Variants in SSUH2 observed in about 807,000 individuals in gnomAD.
SSUH2 encodes protein SSUH2 homolog.
SSUH2 carries 47 observed loss-of-function variants against 55.3 expected under a neutral mutation model. The observed-to-expected ratio is 0.85, with a 90% confidence interval of 0.67 to 1.08. SSUH2 has a LOEUF of 1.08. SSUH2 is among the 50% of genes least tolerant of loss of function. The pLI is 0.00. For missense variants in SSUH2, 535 were observed against 490.7 expected (o/e 1.09, Z -0.85); for synonymous variants, 212 against 191.5 (o/e 1.11, Z -0.89).
Position 8,619,862 on chromosome 3 carries a change from G to C in SSUH2, c.*6C>G. On this transcript the variant is annotated 3_prime_UTR_variant, in exon 12 of 12. Coordinates refer to ENST00000544814, the MANE Select transcript of SSUH2 (RefSeq NM_001256748.3). ...AATGGCAGGCTCTGGGGACAGCCAT[G>C]CTATGTCACACGATGGTACAGCCAC... is the stretch of plus-strand genomic sequence containing the variant. 1.9e-6 allele frequency: 3 copies of C among 1,613,144 alleles called. No homozygotes were observed. The highest frequency in any genetic ancestry group is 2.5e-6 in the Non-Finnish European group (3 of 1,179,632).
At chr3:8,634,057 T>C (rs1559369637) in intron 3 of SSUH2, 5 of 1,080,300 alleles carry the variant, frequency 4.6e-6, no homozygotes, top group Non-Finnish European at 6.6e-6. Flanking sequence ...GCTGATAGAA[T>C]CCTGCAACTG....
chr3:8,662,053 C>T (rs1703547059), intron 6 of SSUH2, among the ~76,000 whole-genome samples: 1 of 152,180 alleles, frequency 6.6e-6, no homozygotes, highest in Admixed American at 6.5e-5. Context: ...ACTGTGGATC[C>T]ATTAAACCTT....
chr3:8,629,377 C>T, intron 7 of SSUH2: 1 of 442,438 alleles, frequency 2.3e-6, no homozygotes, highest in South Asian at 3.5e-5. Flanking sequence ...TCTTACAGGA[C>T]CTAGAGGTCA....
chr3:8,630,104 G>T (rs902238643), intron 6 of SSUH2, among the ~76,000 whole-genome samples: 1 of 152,206 alleles, frequency 6.6e-6, no homozygotes, highest in Non-Finnish European at 1.5e-5. Flanking sequence ...GGATTTTTAT[G>T]AAAGGCAATG....
At chr3:8,679,183 A>T (rs796232251) in intron 2 of SSUH2, among the ~76,000 whole-genome samples, 1 of 48,530 alleles carries the variant, frequency 2.1e-5, no homozygotes, top group African/African-American at 6.4e-5. Flanking sequence ...GTTCCCCCAC[A>T]CTGGCTCTTG....
At chr3:8,667,147 G>T (rs1047982732) in intron 5 of SSUH2, among the ~76,000 whole-genome samples, 3 of 152,196 alleles carry the variant, frequency 2.0e-5, no homozygotes, top group Non-Finnish European at 2.9e-5. Context: ...CAGCAGCATG[G>T]GCTGCTGGAC....
intron 5 of SSUH2, among the ~76,000 whole-genome samples, chr3:8,631,361 C>G (rs1322880441): frequency 6.6e-6 from 1 of 152,294 alleles, no homozygotes; most frequent in Middle Eastern, 3.4e-3. Flanking sequence ...CCTTCACCAT[C>G]CCATCTTCTT....
At chr3:8,660,281 C>T (rs1462441998) in intron 6 of SSUH2, among the ~76,000 whole-genome samples, 2 of 152,174 alleles carry the variant, frequency 1.3e-5, no homozygotes, top group African/African-American at 4.8e-5. Context: ...AGTGACTTTC[C>T]ATCAAAGGAA....
chr3:8,632,237 C>T (rs1698942626), intron 4 of SSUH2, 128 bp from the exon 5 acceptor site: 3 of 712,090 alleles, frequency 4.2e-6, no homozygotes, highest in South Asian at 3.7e-5. Flanking sequence ...ACAACACCCT[C>T]GGCTGCTGGA....
intron 7 of SSUH2, among the ~76,000 whole-genome samples, chr3:8,653,317 CT>C (rs1167220906): frequency 6.6e-6 from 1 of 152,168 alleles, no homozygotes; most frequent in Admixed American, 6.5e-5. Flanking sequence ...TATCCTAATC[CT>C]TAAAAAATCA....
chr3:8,646,673 C>T (rs1701716384), upstream of SSUH2, among the ~76,000 whole-genome samples: 1 of 152,208 alleles, frequency 6.6e-6, no homozygotes, highest in Non-Finnish European at 1.5e-5. Context: ...CAACAGTGTG[C>T]TTGAGTGACT....
intron 5 of SSUH2, among the ~76,000 whole-genome samples, chr3:8,668,863 C>G (rs1297925161): frequency 1.3e-5 from 2 of 150,592 alleles, no homozygotes; most frequent in Non-Finnish European, 3.0e-5. Flanking sequence ...TTTTCACAAC[C>G]TAGGTAGATT....
chr3:8,644,820 G>A, upstream of SSUH2: 1 of 1,445,004 alleles, frequency 6.9e-7, no homozygotes. Flanking sequence ...GATGTGCTCT[G>A]ATGGACCACC....
intron 5 of SSUH2, among the ~76,000 whole-genome samples, chr3:8,631,758 A>G (rs1698831061): frequency 6.6e-6 from 1 of 152,002 alleles, no homozygotes; most frequent in Non-Finnish European, 1.5e-5. Flanking sequence ...TTAGACACGC[A>G]TGCTGCTTTA....
At chr3:8,620,113 G>T (rs753855301) in intron 11 of SSUH2, 99 bp from the exon 12 acceptor site, 29 of 1,361,042 alleles carry the variant, frequency 2.1e-5, no homozygotes, top group African/African-American at 2.9e-5. Flanking sequence ...TGGTATGAAA[G>T]GTCCTGCTCT....
intron 11 of SSUH2, 139 bp from the exon 12 acceptor site, chr3:8,620,153 G>A: frequency 7.1e-6 from 6 of 846,928 alleles, no homozygotes; most frequent in Non-Finnish European, 1.1e-5. Context: ...GTTTGGCTCT[G>A]TGTTCCCACC....
intron 3 of SSUH2, among the ~76,000 whole-genome samples, chr3:8,672,194 T>C (rs1487199788): frequency 1.3e-5 from 2 of 152,044 alleles, no homozygotes; most frequent in African/African-American, 4.8e-5. Context: ...TCCTGGATCA[T>C]GGGAACAATA....
intron 5 of SSUH2, among the ~76,000 whole-genome samples, chr3:8,664,474 C>G (rs1275201517): frequency 6.6e-6 from 1 of 151,602 alleles, no homozygotes; most frequent in Non-Finnish European, 1.5e-5. Flanking sequence ...AATTTCTGAG[C>G]AATTTTTTTT....
intron 2 of SSUH2, among the ~76,000 whole-genome samples, chr3:8,679,460 C>G (rs1465809034): frequency 1.4e-5 from 2 of 142,518 alleles, no homozygotes; most frequent in South Asian, 2.2e-4. Context: ...GGAGGCACCC[C>G]CCGGGAGGCG....
Sources: allele counts gnomAD v4.1 joint callset (sites outside exome capture counted in the v4.1 genomes callset), GRCh38; gene constraint gnomAD v4.1.1; transcripts MANE v1.5; gene names NCBI Gene and HGNC (gene_info 2026-07-23, HGNC 2026-07-21).